The following PPFIA2 variants were observed in gnomAD, a reference collection of about 807,000 sequenced individuals.
The protein encoded by PPFIA2 is liprin-alpha-2.
In PPFIA2, 46 loss-of-function variants were observed where a neutral mutation model predicts 175.5. The ratio of observed to expected loss-of-function variants is 0.26; its 90% CI spans 0.21 to 0.34. The LOEUF is 0.34. PPFIA2 is among the 10% of genes least tolerant of loss of function. The pLI is 1.00. For synonymous variants in PPFIA2, 568 were observed against 511.4 expected, an observed-to-expected ratio of 1.11 and a Z score of -1.49; for missense variants, 1,179 against 1,506.1, an observed-to-expected ratio of 0.78 and a Z score of 3.60.
chr12:81,627,448 A>G (rs554151190), intron 4 of PPFIA2, among the ~76,000 whole-genome samples: 36 of 152,222 alleles, frequency 2.4e-4, no homozygotes, highest in Middle Eastern at 3.4e-3. Context: ...AAATTGTTTT[A>G]AAAAACAAAG....
intron 3 of PPFIA2, among the ~76,000 whole-genome samples, chr12:81,692,159 C>T (rs2075334138): frequency 6.6e-6 from 1 of 151,166 alleles, no homozygotes; most frequent in Non-Finnish European, 1.5e-5. Context: ...GAAGTTGCCA[C>T]ACTGTACAGC....
chr12:81,573,813 T>C (rs1174407658), intron 4 of PPFIA2, among the ~76,000 whole-genome samples: 1 of 151,920 alleles, frequency 6.6e-6, no homozygotes, highest in East Asian at 1.9e-4. Context: ...CTTTAAAATA[T>C]TTATTGTGGT....
intron 3 of PPFIA2, among the ~76,000 whole-genome samples, chr12:81,709,244 C>T (rs964937941): frequency 3.9e-5 from 6 of 152,066 alleles, no homozygotes; most frequent in South Asian, 4.1e-4. Flanking sequence ...GGCTCCTTTT[C>T]ATTTAAGTCT....
chr12:81,470,528 A>C (rs2056540998), intron 4 of PPFIA2, among the ~76,000 whole-genome samples: 1 of 152,332 alleles, frequency 6.6e-6, no homozygotes, highest in African/African-American at 2.4e-5. Flanking sequence ...AAGCGGTAAA[A>C]CATAGAGTTA....
At chr12:81,561,468 A>T (rs1372178339) in intron 4 of PPFIA2, among the ~76,000 whole-genome samples, 4 of 152,158 alleles carry the variant, frequency 2.6e-5, no homozygotes, top group Non-Finnish European at 5.9e-5. Flanking sequence ...TAATGAGGTA[A>T]GTGTAGAGAT....
chr12:81,488,425 A>AAC (rs2059077153), intron 4 of PPFIA2, among the ~76,000 whole-genome samples: 1 of 151,412 alleles, frequency 6.6e-6, no homozygotes, highest in Non-Finnish European at 1.5e-5. Context: ...AGTTACCCCC[A>AAC]ACACACACAC....
intron 21 of PPFIA2, among the ~76,000 whole-genome samples, chr12:81,333,530 GTA>G (rs1316183035): frequency 1.3e-5 from 2 of 152,144 alleles, no homozygotes; most frequent in Admixed American, 6.6e-5. Flanking sequence ...TCATAGCAGA[GTA>G]GAGTAGAAAA....
chr12:81,625,129 ATATG>A (rs1684098490), intron 4 of PPFIA2, among the ~76,000 whole-genome samples: 2 of 151,998 alleles, frequency 1.3e-5, no homozygotes, highest in South Asian at 4.2e-4. Flanking sequence ...TAAATTATAC[ATATG>A]TGTGTATACA....
chr12:81,341,656 C>G (rs1414731372), intron 19 of PPFIA2, among the ~76,000 whole-genome samples: 1 of 152,048 alleles, frequency 6.6e-6, no homozygotes, highest in African/African-American at 2.4e-5. Context: ...TCTAATGTAG[C>G]CCAGGGAAGC....
chr12:81,302,205 T>C (rs2048020668), intron 22 of PPFIA2: 1 of 406,534 alleles, frequency 2.5e-6, no homozygotes, highest in Non-Finnish European at 4.9e-6. Flanking sequence ...TGTACAACAT[T>C]TTGTATTTTA....
At position 81,353,024 on chromosome 12, in the gene PPFIA2, A is replaced by G. The variant is rs1595403227; in HGVS notation, c.1994+95T>C. 17 of 1,077,404 alleles carry G rather than the reference A, an allele frequency of 1.6e-5. No homozygotes were observed. In the East Asian group the frequency reaches 3.9e-4, roughly 25 times the overall value. The allele number at this position is 1,077,404 out of a possible 1,614,324, so 66.7% of individuals were successfully genotyped here. A position where few individuals can be genotyped will look rare whatever the true frequency, so the allele number is the denominator to read the frequency against. On this transcript the variant is annotated intron_variant, in intron 17 of 32. Coordinates refer to ENST00000549396, the MANE Select transcript of PPFIA2 (RefSeq NM_003625.5). The stretch of plus-strand genomic sequence containing the variant: ...GATTCTGCAGATCTATTAAGCTCCC[A>G]GTTAATGCTAATGCTTCTGATCTAG...
chr12:81,551,995 T>C (rs2068009474), intron 4 of PPFIA2, among the ~76,000 whole-genome samples: 1 of 151,772 alleles, frequency 6.6e-6, no homozygotes, highest in Admixed American at 6.6e-5. Flanking sequence ...ACAAAAATTC[T>C]AAGAAATTAT....
At chr12:81,493,056 A>G (rs1487354724) in intron 4 of PPFIA2, among the ~76,000 whole-genome samples, 1 of 152,052 alleles carries the variant, frequency 6.6e-6, no homozygotes, top group Non-Finnish European at 1.5e-5. Context: ...TTTTTGCCAA[A>G]GCAGCTGGAA....
intron 15 of PPFIA2, among the ~76,000 whole-genome samples, chr12:81,361,783 T>C (rs1217517936): frequency 2.0e-5 from 3 of 151,564 alleles, no homozygotes; most frequent in Non-Finnish European, 4.4e-5. Context: ...TTTCTAAAGA[T>C]GAACATAACA....
At chr12:81,721,308 T>C (rs2079300683) in intron 3 of PPFIA2, among the ~76,000 whole-genome samples, 1 of 151,510 alleles carries the variant, frequency 6.6e-6, no homozygotes, top group Non-Finnish European at 1.5e-5. Flanking sequence ...ATATTTTGCT[T>C]CGCATGTATT....
intron 4 of PPFIA2, among the ~76,000 whole-genome samples, chr12:81,668,038 G>A (rs1481357075): frequency 2.0e-5 from 3 of 152,034 alleles, no homozygotes; most frequent in Non-Finnish European, 4.4e-5. Flanking sequence ...ACTCATTAGA[G>A]GATTCTTTGG....
At chr12:81,346,518 T>C (rs1409896102) in intron 18 of PPFIA2, among the ~76,000 whole-genome samples, 2 of 149,138 alleles carry the variant, frequency 1.3e-5, no homozygotes, top group East Asian at 3.9e-4. Flanking sequence ...TATTACATAT[T>C]AATATATTTT....
At chr12:81,653,686 C>CTGAGGT (rs778682743) in intron 4 of PPFIA2, among the ~76,000 whole-genome samples, 143 of 152,166 alleles carry the variant, frequency 9.4e-4, no homozygotes, top group East Asian at 7.7e-4. Context: ...AGGTCACATT[C>CTGAGGT]TGAGGTTCTA....
chr12:81,669,364 T>A (rs976824785), intron 4 of PPFIA2, among the ~76,000 whole-genome samples: 1 of 152,060 alleles, frequency 6.6e-6, no homozygotes, highest in Non-Finnish European at 1.5e-5. Flanking sequence ...AATATGTCCA[T>A]GTAAATCGTG....
Sources: allele counts gnomAD v4.1 joint callset (sites outside exome capture counted in the v4.1 genomes callset), GRCh38; gene constraint gnomAD v4.1.1; transcripts MANE v1.5; gene names NCBI Gene and HGNC (gene_info 2026-07-23, HGNC 2026-07-21).